Variants in PLAA observed in about 807,000 individuals in gnomAD.
PLAA encodes the protein phospholipase A-2-activating protein.
A neutral mutation model predicts 84.1 loss-of-function variants in PLAA; 48 were observed. The ratio of observed to expected loss-of-function variants is 0.57; its 90% confidence interval spans 0.45 to 0.73. The LOEUF (loss-of-function observed/expected upper bound fraction) is 0.73, where lower values mean the gene tolerates loss of function less well. PLAA is among the 30% of genes least tolerant of loss of function. The pLI is 0.00. For synonymous variants in PLAA, 392 were observed against 336.6 expected, an observed-to-expected ratio of 1.16 and a Z score of -1.80; for missense variants, 903 against 954.7, an observed-to-expected ratio of 0.95 and a Z score of 0.71.
chr9:26,928,092 G>T lies in PLAA; in HGVS notation c.565+8C>A. ...TGATATTATAAAACTTGTCTACCCT[G>T]ATCTTACCTGAAAAAGTCCTCTCAC... On this transcript the variant is annotated splice_region_variant and intron_variant, in intron 4 of 13. Transcript: ENST00000397292. 1 of 1,611,800 alleles carries T rather than the reference G, an allele frequency of 6.2e-7. No homozygotes were observed. The highest frequency in any genetic ancestry group is 1.1e-5 in the South Asian group (1 of 90,488).
chr9:26,921,776 G>A (rs565294935), intron 7 of PLAA, among the ~76,000 whole-genome samples: 133 of 152,164 alleles, frequency 8.7e-4, no homozygotes, highest in South Asian at 4.6e-3. Flanking sequence ...AATAACTTAC[G>A]CAGATCTTCT....
intron 10 of PLAA, chr9:26,916,464 T>A (rs1036382711): frequency 1.0e-6 from 1 of 987,016 alleles, no homozygotes; most frequent in South Asian, 4.7e-5. Flanking sequence ...TTTGAAGAGA[T>A]ACACCAACAC....
intron 8 of PLAA, 100 bp from the exon 9 acceptor site, chr9:26,919,629 GTACT>G (rs1270062850): frequency 1.4e-6 from 1 of 698,344 alleles, no homozygotes; most frequent in African/African-American, 1.8e-5. Flanking sequence ...AATAATTACA[GTACT>G]TAAACTTTCT....
At chr9:26,935,334 T>C (rs1825325794) in intron 1 of PLAA, 128 bp from the exon 2 acceptor site, 1 of 502,474 alleles carries the variant, frequency 2.0e-6, no homozygotes, top group Non-Finnish European at 3.4e-6. Context: ...CTTAAGAATC[T>C]ATTGTTTTAA....
At chr9:26,918,956 T>G (rs1304527710) in intron 9 of PLAA, among the ~76,000 whole-genome samples, 1 of 152,228 alleles carries the variant, frequency 6.6e-6, no homozygotes, top group Non-Finnish European at 1.5e-5. Flanking sequence ...TTAGATTTGA[T>G]GCATGACTGA....
chr9:26,937,657 G>C (rs1432819629), intron 1 of PLAA, among the ~76,000 whole-genome samples: 1 of 152,022 alleles, frequency 6.6e-6, no homozygotes, highest in African/African-American at 2.4e-5. Context: ...AGAAAGTCAA[G>C]AAAATTATGC....
intron 7 of PLAA, among the ~76,000 whole-genome samples, chr9:26,921,742 T>C (rs961635362): frequency 1.3e-5 from 2 of 152,246 alleles, no homozygotes; most frequent in African/African-American, 4.8e-5. Context: ...TATCAGATAC[T>C]AGTCATATGG....
chr9:26,928,424 C>A lies in PLAA; in HGVS notation c.344-16G>T, dbSNP rs1330291802. The A allele has an allele frequency of 4.8e-6, 7 of 1,461,534 alleles. No individual in the cohort carries two copies. The highest frequency in any genetic ancestry group is 6.7e-6 in the Non-Finnish European group (7 of 1,041,090). 90.5% of individuals were successfully genotyped at this position (1,461,534 alleles called of 1,614,324 possible). A position where few individuals can be genotyped will look rare whatever the true frequency, so the allele number is the denominator to read the frequency against. ...AGACTACAAACTAAGGAAAAAACAT[C>A]ATTGGATAACACATTTTCATACAGA... On this transcript the variant is annotated splice_polypyrimidine_tract_variant and intron_variant, in intron 2 of 13. Transcript: ENST00000397292.
chr9:26,946,839 CT>C, intron 1 of PLAA, 57 bp downstream of exon 1: 1 of 1,506,658 alleles, frequency 6.6e-7, no homozygotes, highest in Non-Finnish European at 8.9e-7. Context: ...GGTCACTCTC[CT>C]TCCACTCTCC....
intron 1 of PLAA, among the ~76,000 whole-genome samples, chr9:26,941,354 G>C (rs1825533902): frequency 6.6e-6 from 1 of 152,008 alleles, no homozygotes; most frequent in African/African-American, 2.4e-5. Context: ...TGGAGCCCAA[G>C]ACCACCAAAA....
intron 12 of PLAA, 28 bp downstream of exon 12, chr9:26,910,310 T>A (rs1210122900): frequency 6.7e-7 from 1 of 1,500,274 alleles, no homozygotes; most frequent in Admixed American, 1.7e-5. Flanking sequence ...TCTGTGAATA[T>A]GTGAATAAAT....
chr9:26,933,393 G>A (rs923020476), intron 2 of PLAA, among the ~76,000 whole-genome samples: 2 of 150,866 alleles, frequency 1.3e-5, no homozygotes, highest in African/African-American at 2.4e-5. Context: ...ATAGTGAGCC[G>A]AGATCACAAG....
chr9:26,934,793 T>C (rs1430517237), intron 2 of PLAA, among the ~76,000 whole-genome samples: 2 of 152,176 alleles, frequency 1.3e-5, no homozygotes, highest in East Asian at 3.8e-4. Context: ...ACTGAACAGA[T>C]TACTTTTTAC....
chr9:26,913,984 C>T, intron 10 of PLAA, 37 bp from the exon 11 acceptor site: 2 of 1,446,526 alleles, frequency 1.4e-6, no homozygotes, highest in Non-Finnish European at 1.9e-6. Context: ...GCAAAGGTGA[C>T]TGTAAATTAT....
At chr9:26,942,649 A>G (rs186742378) in intron 1 of PLAA, among the ~76,000 whole-genome samples, 11 of 152,274 alleles carry the variant, frequency 7.2e-5, no homozygotes, top group Admixed American at 4.6e-4. Flanking sequence ...TTGGGAGGCC[A>G]AGGCGGGCGG....
intron 5 of PLAA, 132 bp downstream of exon 5, chr9:26,926,261 G>A: frequency 1.6e-6 from 1 of 630,352 alleles, no homozygotes; most frequent in East Asian, 2.8e-5. Context: ...GATACTTAAT[G>A]AAATAAATTT....
chr9:26,916,272 T>C, intron 10 of PLAA: 3 of 985,410 alleles, frequency 3.0e-6, no homozygotes, highest in Middle Eastern at 5.2e-4. Flanking sequence ...AACGCTATGA[T>C]CTCTTCCCAA....
intron 6 of PLAA, among the ~76,000 whole-genome samples, chr9:26,923,579 AT>A (rs1191772500): frequency 1.3e-5 from 2 of 152,210 alleles, no homozygotes; most frequent in Non-Finnish European, 2.9e-5. Flanking sequence ...ATTTTATACA[AT>A]TTCCAAGTTA....
intron 1 of PLAA, among the ~76,000 whole-genome samples, chr9:26,940,529 A>G (rs898993642): frequency 1.3e-5 from 2 of 152,224 alleles, no homozygotes; most frequent in African/African-American, 4.8e-5. Flanking sequence ...AAACAGGTAC[A>G]GTTTCAGTGT....
Sources: gnomAD v4.1 joint callset for allele counts (sites outside exome capture counted in the v4.1 genomes callset) on GRCh38, gnomAD v4.1.1 for gene constraint, MANE v1.5 for transcripts, NCBI Gene and HGNC (gene_info 2026-07-23, HGNC 2026-07-21) for gene names.